Variants in CYP46A1 observed in about 807,000 individuals in gnomAD.
CYP46A1 encodes the protein cholesterol 24-hydroxylase.
In CYP46A1, 20 loss-of-function variants were observed where a neutral mutation model predicts 63.3. That is an observed-to-expected ratio of 0.32 (90% CI 0.22 to 0.46). The LOEUF (loss-of-function observed/expected upper bound fraction) is 0.46. Among genes scored for constraint, CYP46A1 ranks in the 20% least tolerant of loss-of-function variants. The probability of loss-of-function intolerance (pLI) is 1.00; values close to 1 mark genes in which losing one functional copy is unlikely to be tolerated. For missense variants in CYP46A1, 445 were observed against 670.8 expected (o/e 0.66, Z 3.72); for synonymous variants, 268 against 273.6 (o/e 0.98, Z 0.20).
intron 10 of CYP46A1, among the ~76,000 whole-genome samples, chr14:99,720,467 T>TC (rs1006811422): frequency 4.0e-5 from 6 of 150,108 alleles, no homozygotes; most frequent in Non-Finnish European, 7.4e-5. Context: ...CTCTTTTTTT[T>TC]TTTTTTTTTT....
At chr14:99,686,756 G>A (rs2056497841) in intron 1 of CYP46A1, among the ~76,000 whole-genome samples, 1 of 152,156 alleles carries the variant, frequency 6.6e-6, no homozygotes, top group Non-Finnish European at 1.5e-5. Context: ...TGTGTGGGGT[G>A]CGGAGGGAGC....
intron 5 of CYP46A1, chr14:99,703,610 C>T (rs1483252833): frequency 1.0e-6 from 1 of 985,378 alleles, no homozygotes; most frequent in Non-Finnish European, 1.2e-6. Flanking sequence ...AATTCCTGTT[C>T]CTCCTTTGAT....
chr14:99,702,286 C>A (rs1328456530), intron 5 of CYP46A1, among the ~76,000 whole-genome samples: 1 of 152,134 alleles, frequency 6.6e-6, no homozygotes, highest in African/African-American at 2.4e-5. Flanking sequence ...ATTAATGCCT[C>A]ATTCCTTTTT....
intron 10 of CYP46A1, among the ~76,000 whole-genome samples, chr14:99,719,578 C>T (rs1463023834): frequency 2.0e-5 from 3 of 151,824 alleles, no homozygotes; most frequent in African/African-American, 7.3e-5. Flanking sequence ...TTCTCGCCTC[C>T]CCATCCCTGG....
At chr14:99,723,170 C>T (rs530867056) in intron 12 of CYP46A1, 16 of 210,450 alleles carry the variant, frequency 7.6e-5, no homozygotes, top group South Asian at 1.5e-4. Context: ...AACTAGTAAG[C>T]GTGAGCATCT....
intron 1 of CYP46A1, among the ~76,000 whole-genome samples, chr14:99,685,906 A>G (rs2056489798): frequency 6.6e-6 from 1 of 152,116 alleles, no homozygotes; most frequent in South Asian, 2.1e-4. Context: ...CTTCAATGCT[A>G]ACTCCTCAGG....
At chr14:99,715,239 TCA>T (rs1329902902) in intron 7 of CYP46A1, among the ~76,000 whole-genome samples, 1 of 152,216 alleles carries the variant, frequency 6.6e-6, no homozygotes, top group Non-Finnish European at 1.5e-5. Flanking sequence ...TATCAAAATA[TCA>T]CATGTACCCC....
chr14:99,697,560 A>C (rs1396914165), intron 3 of CYP46A1, among the ~76,000 whole-genome samples: 1 of 152,124 alleles, frequency 6.6e-6, no homozygotes, highest in Admixed American at 6.5e-5. Context: ...CCTTCTCTTG[A>C]GGTTCACAAT....
intron 9 of CYP46A1, among the ~76,000 whole-genome samples, chr14:99,716,800 C>T (rs190917955): frequency 6.6e-6 from 1 of 152,330 alleles, no homozygotes; most frequent in African/African-American, 2.4e-5. Context: ...CCTCTGTTCT[C>T]CTGGGGCCCA....
intron 5 of CYP46A1, among the ~76,000 whole-genome samples, chr14:99,701,806 A>G (rs1250624934): frequency 3.9e-5 from 6 of 152,190 alleles, no homozygotes; most frequent in Non-Finnish European, 7.4e-5. Flanking sequence ...GTGGTGGTTC[A>G]TGCCTGTAAT....
At chr14:99,693,102 C>T (rs1002353996) in intron 3 of CYP46A1, 1 of 152,374 alleles carries the variant, frequency 6.6e-6, no homozygotes, top group Non-Finnish European at 1.5e-5. Flanking sequence ...GCCATCTAGC[C>T]CCTGCCTGGC....
rs747254652 is a variant in CYP46A1, at chr14:99,722,077, G to A, written c.1176+11G>A. The A allele has an allele frequency of 3.1e-6, 5 of 1,602,864 alleles. No individual in the cohort carries two copies. The South Asian group carries it at 5.5e-5, about 18-fold the overall frequency. On this transcript the variant is annotated intron_variant, in intron 12 of 14. Coordinates refer to ENST00000261835, the MANE Select transcript of CYP46A1 (RefSeq NM_006668.2). This position sits in a 1 kb window ranked among gnomAD's most constrained non-coding sequence, Gnocchi z 4.6. ...AACACCCCGCTCTTGGTGGGTGGAG[G>A]CCCTGGGGGTCCTGGGGTGGGCTGG...
intron 1 of CYP46A1, 35 bp downstream of exon 1, chr14:99,684,571 G>T (rs1482128592): frequency 7.0e-7 from 1 of 1,419,030 alleles, no homozygotes; most frequent in East Asian, 2.8e-5. Context: ...TGGCTGGGGT[G>T]CTGGGACTGG....
At chr14:99,726,485 T>C (rs1431176527) in intron 14 of CYP46A1, 72 bp from the exon 15 acceptor site, 7 of 1,308,860 alleles carry the variant, frequency 5.3e-6, no homozygotes, top group Non-Finnish European at 6.2e-6. Flanking sequence ...GGCTGTGACA[T>C]TTGCTGCTCA....
intron 7 of CYP46A1, among the ~76,000 whole-genome samples, chr14:99,713,611 GC>G (rs1333767158): frequency 6.6e-6 from 1 of 151,836 alleles, no homozygotes; most frequent in Non-Finnish European, 1.5e-5. Flanking sequence ...AGGCATGGTG[GC>G]TCATGCCCGT....
intron 14 of CYP46A1, 87 bp from the exon 15 acceptor site, chr14:99,726,470 G>A (rs2056899360): frequency 1.5e-6 from 2 of 1,357,204 alleles, no homozygotes; most frequent in South Asian, 1.5e-5. Context: ...TCCAGGAGGA[G>A]AGCCGGCTGT....
At position 99,722,644 on chromosome 14, in the gene CYP46A1, C is replaced by CATGTGTGTGTGT. The variant is rs1555384068; in HGVS notation, c.1176+578_1176+579insATGTGTGTGTGT. On this transcript the variant is annotated intron_variant, in intron 12 of 14. Transcript: ENST00000261835. This position sits in a 1 kb window ranked among gnomAD's most constrained non-coding sequence, Gnocchi z 4.6. ...ATCTGAATTGTGTGTTTGCCATTCC[C>CATGTGTGTGTGT]GTGTGTGTGTGTGTGTGTGTGTGTG... Among the ~76,000 whole-genome samples, 11 of 142,160 alleles carry CATGTGTGTGTGT rather than the reference C, an allele frequency of 7.7e-5. No homozygotes were observed. The highest frequency in any genetic ancestry group is 2.8e-4 in the African/African-American group (11 of 39,128). 93.3% of individuals were successfully genotyped at this position (142,160 alleles called of 152,430 possible). A position where few individuals can be genotyped will look rare whatever the true frequency, so the allele number is the denominator to read the frequency against.
intron 1 of CYP46A1, among the ~76,000 whole-genome samples, chr14:99,690,254 ATAAC>A (rs945221971): frequency 7.2e-5 from 11 of 152,342 alleles, no homozygotes; most frequent in Admixed American, 4.6e-4. Context: ...TAGGACATAA[ATAAC>A]TTCCACAAGC....
At chr14:99,691,756 C>T (rs2140113661) in intron 2 of CYP46A1, 24 bp from the exon 3 acceptor site, 2 of 1,613,484 alleles carry the variant, frequency 1.2e-6, no homozygotes, top group South Asian at 1.1e-5. Context: ...TTGACAGTTT[C>T]CTTCGGGTCA....
Sources: gnomAD v4.1 joint callset for allele counts (sites outside exome capture counted in the v4.1 genomes callset) on GRCh38, gnomAD v4.1.1 for gene constraint, Gnocchi (gnomAD v3.1) non-coding constraint, MANE v1.5 for transcripts, NCBI Gene and HGNC (gene_info 2026-07-23, HGNC 2026-07-21) for gene names.